Variants in MAGI3 observed in about 807,000 individuals in gnomAD.
The protein encoded by MAGI3 is membrane-associated guanylate kinase, WW and PDZ domain-containing protein 3.
MAGI3 carries 43 observed loss-of-function variants against 121.8 expected under a neutral mutation model. The observed-to-expected ratio is 0.35, with a 90% CI of 0.28 to 0.46. The LOEUF is 0.46. Among genes scored for constraint, MAGI3 ranks in the 20% least tolerant of loss-of-function variants. The pLI, the probability that MAGI3 is intolerant of heterozygous loss-of-function variation, is 1.00. For synonymous variants in MAGI3, 553 were observed against 639.3 expected (o/e 0.86, Z 2.04); for missense variants, 1,547 against 1,797.3 (o/e 0.86, Z 2.52).
intron 14 of MAGI3, among the ~76,000 whole-genome samples, chr1:113,652,981 TGGAGGTTGG>T (rs1653258161): frequency 6.6e-6 from 1 of 151,980 alleles, no homozygotes; most frequent in East Asian, 1.9e-4. Flanking sequence ...AGTTGAGGGG[TGGAGGTTGG>T]GGAGGTTGAA....
chr1:113,489,318 T>G (rs1656562992), intron 1 of MAGI3, among the ~76,000 whole-genome samples: 1 of 152,182 alleles, frequency 6.6e-6, no homozygotes. Context: ...GAAGCCAGTC[T>G]GCTGAATTCA....
chr1:113,408,362 A>G (rs1651800484), intron 1 of MAGI3, among the ~76,000 whole-genome samples: 1 of 152,116 alleles, frequency 6.6e-6, no homozygotes, highest in African/African-American at 2.4e-5. Context: ...GTGAAGGGCA[A>G]ACAGATTTTT....
chr1:113,398,637 G>A (rs1570615201), intron 1 of MAGI3, among the ~76,000 whole-genome samples: 1 of 151,882 alleles, frequency 6.6e-6, no homozygotes, highest in Non-Finnish European at 1.5e-5. Context: ...TGAAAAATGG[G>A]ATTTTACTAT....
intron 1 of MAGI3, among the ~76,000 whole-genome samples, chr1:113,534,139 C>T (rs965530723): frequency 1.3e-5 from 2 of 152,180 alleles, no homozygotes; most frequent in Non-Finnish European, 2.9e-5. Context: ...TTCTGCTGCG[C>T]TGATTCTTCT....
chr1:113,633,192 T>A (rs187113860), intron 9 of MAGI3, among the ~76,000 whole-genome samples: 2 of 148,614 alleles, frequency 1.3e-5, no homozygotes, highest in East Asian at 3.9e-4. Context: ...CTGAGCATGA[T>A]GATTTCCAAT....
In MAGI3 at chr1:113,659,085, C is replaced by A; in HGVS notation, c.2635C>A (p.Pro879Thr). The change falls in exon 16 of 21, where the codon CCT becomes ACT. Residue 879 changes from proline to threonine, a missense_variant. Coordinates refer to ENST00000307546, the MANE Select transcript of MAGI3 (RefSeq NM_001142782.2). ...TGGGGTTTTTTTTCCCATAGTTATT[C>A]CTCATAAAATTGGCCGAGTCATAGA... The part of the protein sequence containing the change: ...SKNKPPPGVI[P>T]HKIGRVIEGS... 1 of 1,601,958 alleles carries A rather than the reference C, an allele frequency of 6.2e-7. No homozygotes were observed.
At chr1:113,590,188 A>T (rs1648609765) in intron 4 of MAGI3, among the ~76,000 whole-genome samples, 1 of 152,118 alleles carries the variant, frequency 6.6e-6, no homozygotes, top group African/African-American at 2.4e-5. Flanking sequence ...GGACTACATT[A>T]GTGCTGCTGT....
chr1:113,409,740 C>G (rs550504729), intron 1 of MAGI3, among the ~76,000 whole-genome samples: 12 of 152,210 alleles, frequency 7.9e-5, no homozygotes, highest in African/African-American at 2.9e-4. Flanking sequence ...AGCATCCTTT[C>G]TTATTGGCAC....
In MAGI3 at chr1:113,417,020, AT is replaced by A. The variant is rs530696281; in HGVS notation, c.316+25677del. Among the ~76,000 whole-genome samples, 574 of 152,146 alleles carry A rather than the reference AT, an allele frequency of 3.8e-3. 4 individuals are homozygous for A. The highest frequency in any genetic ancestry group is 0.013 in the African/African-American group (544 of 41,532). On this transcript the variant is annotated intron_variant, in intron 1 of 20. Transcript: ENST00000307546. ...TCATTGAATTAGCAATTAGTAATTG[AT>A]TTTTTAAAAAACTTTTATTTTAAAA...
At chr1:113,477,050 CTTTTT>C (rs138155838) in intron 1 of MAGI3, among the ~76,000 whole-genome samples, 2 of 144,816 alleles carry the variant, frequency 1.4e-5, no homozygotes, top group Non-Finnish European at 3.0e-5. Flanking sequence ...TGCACCCCTG[CTTTTT>C]TTTTTTTGCT....
In MAGI3 at chr1:113,653,881, G is replaced by T; in HGVS notation, c.2492G>T (p.Gly831Val). The change falls in exon 15 of 21, where the codon GGA becomes GTA. Residue 831 changes from glycine (G) to valine (V), a missense_variant. Coordinates refer to ENST00000307546, the MANE Select transcript of MAGI3 (RefSeq NM_001142782.2). ...SSQAFISTQN[G>V]SPRLNRAEVP... ...CAGGCCTTCATTTCAACACAGAATG[G>T]ATCTCCCCGCCTGAACCGGGCAGAG... is the stretch of plus-strand genomic sequence containing the variant. The T allele has an allele frequency of 6.2e-7, 1 of 1,613,542 alleles. No individual in the cohort carries two copies. The highest frequency in any genetic ancestry group is 8.5e-7 in the Non-Finnish European group (1 of 1,179,786).
chr1:113,526,349 T>C (rs1239543016), intron 1 of MAGI3, among the ~76,000 whole-genome samples: 2 of 152,164 alleles, frequency 1.3e-5, no homozygotes, highest in Non-Finnish European at 2.9e-5. Context: ...TCCAAAGATA[T>C]AGTATCTGTG....
chr1:113,552,718 G>A (rs1659835151), intron 2 of MAGI3, among the ~76,000 whole-genome samples: 1 of 152,108 alleles, frequency 6.6e-6, no homozygotes, highest in Non-Finnish European at 1.5e-5. Flanking sequence ...CAGGGTCCAA[G>A]CAGCTGTAGC....
intron 1 of MAGI3, among the ~76,000 whole-genome samples, chr1:113,419,132 A>G (rs931618767): frequency 6.6e-6 from 1 of 152,154 alleles, no homozygotes; most frequent in African/African-American, 2.4e-5. Context: ...AAGTAAATAT[A>G]GAGTTTAGGG....
intron 1 of MAGI3, among the ~76,000 whole-genome samples, chr1:113,540,478 T>C (rs190500848): frequency 6.6e-6 from 1 of 152,382 alleles, no homozygotes; most frequent in Admixed American, 6.5e-5. Context: ...GCGGTCAATG[T>C]GCAGGTCTTT....
At chr1:113,631,551 G>A (rs1651633725) in intron 9 of MAGI3, among the ~76,000 whole-genome samples, 1 of 151,932 alleles carries the variant, frequency 6.6e-6, no homozygotes, top group Non-Finnish European at 1.5e-5. Flanking sequence ...TAATCCTTTT[G>A]CTGTATAAAA....
intron 1 of MAGI3, among the ~76,000 whole-genome samples, chr1:113,477,809 T>C (rs1156537037): frequency 6.6e-6 from 1 of 152,212 alleles, no homozygotes; most frequent in Non-Finnish European, 1.5e-5. Flanking sequence ...CTGGATAATA[T>C]CCTGAAGAGT....
At chr1:113,573,346 C>T (rs1647428169) in intron 2 of MAGI3, among the ~76,000 whole-genome samples, 1 of 152,208 alleles carries the variant, frequency 6.6e-6, no homozygotes, top group Admixed American at 6.5e-5. Flanking sequence ...CTATAAGCTT[C>T]CGTCTAAACA....
intron 4 of MAGI3, among the ~76,000 whole-genome samples, chr1:113,586,699 G>A (rs975792409): frequency 6.6e-6 from 1 of 152,132 alleles, no homozygotes; most frequent in African/African-American, 2.4e-5. Context: ...ACAAAATTAA[G>A]TCTGTTAACA....
Sources: allele counts gnomAD v4.1 joint callset (sites outside exome capture counted in the v4.1 genomes callset), GRCh38; gene constraint gnomAD v4.1.1; transcripts MANE v1.5; gene names NCBI Gene and HGNC (gene_info 2026-07-23, HGNC 2026-07-21).